The following EHBP1 variants were observed in gnomAD, a reference collection of about 807,000 sequenced individuals.
The protein encoded by EHBP1 is EH domain binding protein 1.
EHBP1 carries 55 observed loss-of-function variants against 144.0 expected under a neutral mutation model. That is an observed-to-expected ratio of 0.38 (90% confidence interval 0.31 to 0.48). EHBP1 has a LOEUF of 0.48. Among genes scored for constraint, EHBP1 ranks in the 20% least tolerant of loss-of-function variants. The pLI, the probability that EHBP1 is intolerant of heterozygous loss-of-function variation, is 0.98. For synonymous variants in EHBP1, 469 were observed against 472.7 expected (o/e 0.99, Z 0.10); for missense variants, 1,200 against 1,364.2 (o/e 0.88, Z 1.90).
intron 14 of EHBP1, among the ~76,000 whole-genome samples, chr2:62,957,640 G>GGTTTTT (rs771682026): frequency 2.9e-5 from 2 of 69,694 alleles, no homozygotes; most frequent in African/African-American, 7.2e-5. Context: ...GAAAATAAAT[G>GGTTTTT]CTTTTTTTTT....
chr2:62,803,524 C>T (rs2044203225), intron 5 of EHBP1, among the ~76,000 whole-genome samples: 1 of 152,092 alleles, frequency 6.6e-6, no homozygotes, highest in South Asian at 2.1e-4. Context: ...TTATATCTCA[C>T]CATTATAATT....
At chr2:62,957,525 A>G (rs1440649093) in intron 14 of EHBP1, among the ~76,000 whole-genome samples, 2 of 152,134 alleles carry the variant, frequency 1.3e-5, no homozygotes, top group Admixed American at 6.6e-5. Context: ...AAGGTATAAC[A>G]TATGAAAAGA....
intron 7 of EHBP1, among the ~76,000 whole-genome samples, chr2:62,832,895 A>G (rs976945940): frequency 6.6e-6 from 1 of 152,208 alleles, no homozygotes; most frequent in Non-Finnish European, 1.5e-5. Context: ...ATAAAAAGCT[A>G]GAAATGATTA....
At chr2:62,822,622 A>G (rs2046062709) in intron 5 of EHBP1, among the ~76,000 whole-genome samples, 1 of 152,210 alleles carries the variant, frequency 6.6e-6, no homozygotes, top group Non-Finnish European at 1.5e-5. Flanking sequence ...ATTCAACTTT[A>G]CGAGGTAATG....
At chr2:62,789,314 C>G (rs952510039) in intron 5 of EHBP1, among the ~76,000 whole-genome samples, 1 of 152,172 alleles carries the variant, frequency 6.6e-6, no homozygotes, top group East Asian at 1.9e-4. Context: ...TAAAATATTA[C>G]AAAGTTGCTT....
At chr2:62,982,593 A>G (rs2059018734) in intron 15 of EHBP1, among the ~76,000 whole-genome samples, 1 of 152,126 alleles carries the variant, frequency 6.6e-6, no homozygotes, top group African/African-American at 2.4e-5. Context: ...AAGTTTTGCT[A>G]AGGAGTAGTG....
intron 17 of EHBP1, 88 bp from the exon 18 acceptor site, chr2:62,993,783 T>G (rs2059516316): frequency 9.6e-7 from 1 of 1,037,308 alleles, no homozygotes; most frequent in African/African-American, 1.6e-5. Context: ...TATATATGTA[T>G]ATAATCTGGT....
intron 5 of EHBP1, among the ~76,000 whole-genome samples, chr2:62,779,536 G>T (rs946370770): frequency 2.0e-5 from 3 of 152,060 alleles, no homozygotes; most frequent in African/African-American, 7.2e-5. Flanking sequence ...AGAGAGTATT[G>T]TTCTACACAG....
Position 63,037,570 on chromosome 2 carries a change from G to A in EHBP1, c.3139G>A (p.Glu1047Lys). 1 of 1,607,018 alleles carries A rather than the reference G, an allele frequency of 6.2e-7. No homozygotes were observed. The highest frequency in any genetic ancestry group is 8.5e-7 in the Non-Finnish European group (1 of 1,176,446). Residue 1047 changes from glutamate to lysine, a missense_variant, in exon 20 of 23, where the codon GAA (glutamate) becomes AAA (lysine). Around this residue, in one of 6 missense-constraint regions of EHBP1, gnomAD observed 149 missense variants for 217.0 expected, o/e 0.69. Transcript: ENST00000431489. ...AGAAGAAGAAGAAGCTATGATGCAG[G>A]AATGGTTTATGTTAGTTAATAAGAA... ...NTEEEEAMMQ[E>K]WFMLVNKKNA...
At chr2:62,829,860 A>C (rs1018186656) in intron 6 of EHBP1, among the ~76,000 whole-genome samples, 8 of 150,026 alleles carry the variant, frequency 5.3e-5, no homozygotes, top group Non-Finnish European at 1.2e-4. Flanking sequence ...CATGGATGTG[A>C]TGAAAAGAGA....
At chr2:62,778,541 CAAA>C (rs955575672) in intron 5 of EHBP1, among the ~76,000 whole-genome samples, 6 of 81,474 alleles carry the variant, frequency 7.4e-5, no homozygotes, top group Non-Finnish European at 7.6e-5. Flanking sequence ...GAGACCCTGT[CAAA>C]AAAAAAAAAA....
intron 10 of EHBP1, among the ~76,000 whole-genome samples, chr2:62,921,889 A>C (rs192167436): frequency 6.6e-6 from 1 of 152,296 alleles, no homozygotes; most frequent in Admixed American, 6.5e-5. Flanking sequence ...AGATGGTAAG[A>C]AAATCTGCCA....
intron 8 of EHBP1, among the ~76,000 whole-genome samples, chr2:62,863,849 T>G (rs1259343241): frequency 1.5e-5 from 2 of 136,898 alleles, no homozygotes; most frequent in African/African-American, 2.7e-5. Flanking sequence ...TGTTTTTTTT[T>G]TTTTTTTTTT....
intron 1 of EHBP1, among the ~76,000 whole-genome samples, chr2:62,686,544 G>A (rs927054932): frequency 2.0e-5 from 3 of 152,086 alleles, no homozygotes; most frequent in African/African-American, 7.2e-5. Context: ...AAGTTCCAAT[G>A]CAAATTATCA....
intron 19 of EHBP1, among the ~76,000 whole-genome samples, chr2:63,011,465 A>T (rs78066981): frequency 6.6e-6 from 1 of 152,032 alleles, no homozygotes; most frequent in East Asian, 1.9e-4. Context: ...TTGGACTTTG[A>T]CAGTATTATA....
intron 5 of EHBP1, among the ~76,000 whole-genome samples, chr2:62,820,778 A>ATATATG (rs2045920748): frequency 1.6e-5 from 2 of 121,328 alleles, no homozygotes; most frequent in African/African-American, 6.2e-5. Flanking sequence ...ATATATATAT[A>ATATATG]TATGCACATC....
chr2:62,697,412 A>G (rs2151756083), intron 1 of EHBP1, among the ~76,000 whole-genome samples: 1 of 152,364 alleles, frequency 6.6e-6, no homozygotes, highest in Admixed American at 6.5e-5. Context: ...TGGAAGTACA[A>G]TAATACACAT....
intron 7 of EHBP1, among the ~76,000 whole-genome samples, chr2:62,850,922 C>T (rs989436024): frequency 2.6e-5 from 4 of 152,100 alleles, no homozygotes; most frequent in Non-Finnish European, 5.9e-5. Flanking sequence ...ATAGCAACTG[C>T]CAATTGAAGT....
intron 10 of EHBP1, among the ~76,000 whole-genome samples, 175 bp downstream of exon 10, chr2:62,874,707 A>G (rs889491767): frequency 1.3e-5 from 2 of 152,212 alleles, no homozygotes; most frequent in Non-Finnish European, 2.9e-5. Context: ...ATAAGTTTAC[A>G]GTACAGTATG....
Sources: gnomAD v4.1 joint callset for allele counts (sites outside exome capture counted in the v4.1 genomes callset) on GRCh38, gnomAD v4.1.1 for gene constraint, gnomAD v4.1.1 regional missense constraint, MANE v1.5 for transcripts, NCBI Gene and HGNC (gene_info 2026-07-23, HGNC 2026-07-21) for gene names.